The following UNC13C variants were observed in gnomAD, a reference collection of about 807,000 sequenced individuals.
The protein encoded by UNC13C is unc-13 homolog C, also known as protein unc-13 homolog C.
UNC13C carries 174 observed loss-of-function variants against 245.4 expected under a neutral mutation model. The observed-to-expected ratio is 0.71, with a 90% CI of 0.63 to 0.80. UNC13C has a LOEUF of 0.80. UNC13C is among the 30% of genes least tolerant of loss of function. The pLI is 0.00. For missense variants in UNC13C, 2,829 were observed against 2,602.9 expected, an observed-to-expected ratio of 1.09 and a Z score of -1.89; for synonymous variants, 992 against 895.1, an observed-to-expected ratio of 1.11 and a Z score of -1.93.
the UNC13C span, among the ~76,000 whole-genome samples, chr15:53,879,559 T>C: frequency 6.6e-6 from 1 of 152,186 alleles, no homozygotes; most frequent in African/African-American, 2.4e-5. Flanking sequence ...TTAAGTATAC[T>C]TGTTATTTTT....
chr15:54,363,499 T>C lies in UNC13C; in HGVS notation c.4713+25010T>C, dbSNP rs146191417. Among the ~76,000 whole-genome samples the C allele has an allele frequency of 1.3e-4, 20 of 152,332 alleles. No individual in the cohort carries two copies. In the East Asian group the frequency reaches 3.9e-3, roughly 29 times the overall value. ...TCATAAGGACTGAAAATTATTTCCT[T>C]TTACTGGTGACAAATCAGGTTAAAG... On this transcript the variant is annotated intron_variant, in intron 17 of 32. Coordinates refer to ENST00000260323, the MANE Select transcript of UNC13C (RefSeq NM_001080534.3).
At chr15:54,554,702 G>A (rs143622592) in intron 28 of UNC13C, among the ~76,000 whole-genome samples, 289 of 152,094 alleles carry the variant, frequency 1.9e-3, no homozygotes, top group African/African-American at 6.7e-3. Context: ...GCCCTGGGAT[G>A]ATTGTATCAG....
rs1024611697 is a variant in UNC13C at position 54,100,284 on chromosome 15, T to C, written c.2984-42734T>C. ...TTTTTCCACCTATACCTTGGAATGCTTCCATCAAAGCCAAAAATAAAATCC... is the reference window on the plus strand; with the variant it reads ...TTTTTCCACCTATACCTTGGAATGCCTCCATCAAAGCCAAAAATAAAATCC... On this transcript the variant is annotated intron_variant, in intron 2 of 32. Transcript: ENST00000260323. Among the ~76,000 whole-genome samples the C allele has an allele frequency of 2.6e-5, 4 of 152,158 alleles. No homozygotes were observed. In the East Asian group the frequency reaches 7.7e-4, roughly 29 times the overall value.
At chr15:53,952,049 G>C in the UNC13C span, among the ~76,000 whole-genome samples, 1 of 152,170 alleles carries the variant, frequency 6.6e-6, no homozygotes, top group African/African-American at 2.4e-5. Context: ...TCAGCAATAG[G>C]ATGATGTGAG....
At chr15:54,008,495 A>C (rs1895240356) in intron 1 of UNC13C, among the ~76,000 whole-genome samples, 1 of 152,214 alleles carries the variant, frequency 6.6e-6, no homozygotes, top group Non-Finnish European at 1.5e-5. Context: ...TCTCTTTCAA[A>C]GACTTTCTTT....
At chr15:54,487,766 CAAAAAAA>C (rs5812760) in intron 19 of UNC13C, among the ~76,000 whole-genome samples, 1 of 62,768 alleles carries the variant, frequency 1.6e-5, no homozygotes, top group Non-Finnish European at 3.0e-5. Flanking sequence ...GATTCCATCT[CAAAAAAA>C]AAAAAAAAAA....
At chr15:54,006,120 C>A (rs1024141836) in intron 1 of UNC13C, among the ~76,000 whole-genome samples, 1 of 152,128 alleles carries the variant, frequency 6.6e-6, no homozygotes, top group Non-Finnish European at 1.5e-5. Flanking sequence ...GAGATACTAT[C>A]CTTACAAGAT....
At chr15:54,202,928 G>T (rs940154344) in intron 4 of UNC13C, among the ~76,000 whole-genome samples, 2 of 151,848 alleles carry the variant, frequency 1.3e-5, no homozygotes, top group African/African-American at 4.8e-5. Context: ...TCCGACAAAG[G>T]ACTAATATCC....
At position 54,535,543 on chromosome 15, in the gene UNC13C, T is replaced by C. The variant is rs2141156429; in HGVS notation, c.5696+2477T>C. 1.3e-5 allele frequency among the ~76,000 whole-genome samples: 2 copies of C among 152,134 alleles called. 1 individual carries two copies. Among genetic ancestry groups the C allele is most frequent in the South Asian group, 4.1e-4 (2 of 4,820 alleles). ...TACTCAACCCAACAAAAACAGAATATACATTCTCCTCATCTGCACTTGGCA... is the reference window on the plus strand; with the variant it reads ...TACTCAACCCAACAAAAACAGAATACACATTCTCCTCATCTGCACTTGGCA... On this transcript the variant is annotated intron_variant, in intron 26 of 32. Transcript: ENST00000260323.
the UNC13C span, among the ~76,000 whole-genome samples, chr15:53,942,913 T>A: frequency 5.4e-4 from 83 of 152,378 alleles, no homozygotes; most frequent in African/African-American, 2.0e-3. Flanking sequence ...TCCACCTGCC[T>A]TGGTCTCCCA....
At chr15:54,154,559 A>G (rs112758221) in intron 4 of UNC13C, among the ~76,000 whole-genome samples, 46 of 152,324 alleles carry the variant, frequency 3.0e-4, no homozygotes, top group African/African-American at 1.1e-3. Flanking sequence ...ACCAAATTTC[A>G]GTATATTAAT....
intron 4 of UNC13C, among the ~76,000 whole-genome samples, chr15:54,202,606 C>T (rs906849358): frequency 2.6e-5 from 4 of 151,946 alleles, no homozygotes; most frequent in Non-Finnish European, 2.9e-5. Context: ...GGATAATTGG[C>T]AAGCCACATG....
intron 17 of UNC13C, among the ~76,000 whole-genome samples, chr15:54,389,983 C>A (rs1008439973): frequency 6.6e-6 from 1 of 152,090 alleles, no homozygotes; most frequent in African/African-American, 2.4e-5. Flanking sequence ...CCTACCTCAG[C>A]CTCCCAAAGT....
At chr15:53,905,473 C>T in the UNC13C span, among the ~76,000 whole-genome samples, 3 of 149,110 alleles carry the variant, frequency 2.0e-5, no homozygotes, top group Non-Finnish European at 3.0e-5. Context: ...AAATCCTGAA[C>T]ATGAATGAAC....
intron 26 of UNC13C, among the ~76,000 whole-genome samples, chr15:54,540,461 T>C (rs936509980): frequency 6.6e-6 from 1 of 152,144 alleles, no homozygotes; most frequent in Non-Finnish European, 1.5e-5. Context: ...CTAAAATATA[T>C]GCTTTTCAGC....
At chr15:54,573,597 CA>C (rs767871103) in intron 30 of UNC13C, among the ~76,000 whole-genome samples, 20 of 152,188 alleles carry the variant, frequency 1.3e-4, no homozygotes, top group Non-Finnish European at 2.9e-4. Context: ...AAGTTTCATA[CA>C]GTGAGAAATA....
chr15:54,065,704 T>G (rs1020870909), intron 2 of UNC13C, among the ~76,000 whole-genome samples: 8 of 152,178 alleles, frequency 5.3e-5, no homozygotes, highest in Admixed American at 1.3e-4. Flanking sequence ...CACAAGAACT[T>G]TTGGGGTCCA....
chr15:54,224,831 A>G (rs2035329180), intron 4 of UNC13C, among the ~76,000 whole-genome samples: 1 of 152,046 alleles, frequency 6.6e-6, no homozygotes. Flanking sequence ...ACTACTTGTT[A>G]TTGGTCTGTT....
At chr15:54,623,436 G>A (rs1300298207) in intron 31 of UNC13C, among the ~76,000 whole-genome samples, 2 of 152,080 alleles carry the variant, frequency 1.3e-5, no homozygotes, top group Admixed American at 6.6e-5. Flanking sequence ...CCAAAATATT[G>A]TCATTGACTG....
Sources: gnomAD v4.1 joint callset for allele counts (sites outside exome capture counted in the v4.1 genomes callset) on GRCh38, gnomAD v4.1.1 for gene constraint, MANE v1.5 for transcripts, NCBI Gene and HGNC (gene_info 2026-07-23, HGNC 2026-07-21) for gene names.